Variants in PC observed in about 807,000 individuals in gnomAD.
PC encodes pyruvate carboxylase, also known as pyruvate carboxylase, mitochondrial.
PC carries 46 observed loss-of-function variants against 107.8 expected under a neutral mutation model. The observed-to-expected ratio is 0.43, with a 90% confidence interval of 0.34 to 0.55. PC has a LOEUF of 0.55. Ranked by LOEUF, PC falls within the 20% of genes least tolerant of loss-of-function variation. PC has a pLI of 0.04. For missense variants in PC, 1,241 were observed against 1,643.1 expected (o/e 0.76, Z 4.23); for synonymous variants, 662 against 684.7 (o/e 0.97, Z 0.52).
At position 66,868,885 on chromosome 11, in the gene PC, C is replaced by T. The variant is rs777021033; in HGVS notation, c.983G>A (p.Arg328His). The change falls in exon 10 of 23, where the codon CGC (arginine) becomes CAC (histidine). Residue 328 changes from arginine to histidine, a missense_variant. Arg to His is a conservative substitution (Grantham distance 29). This residue lies in a region of PC where 1,143 missense variants were observed against 1,551.9 expected (regional missense o/e 0.74). Coordinates refer to ENST00000393960, the MANE Select transcript of PC (RefSeq NM_001040716.2). ...GKHYFIEVNSRLQVEHTVTEE... is the reference protein window; with the variant it reads ...GKHYFIEVNSHLQVEHTVTEE... ...TGTGACCGTGTGCTCCACCTGCAGG[C>T]GGGAGTTGACCTCGATGAAGTAGTG... The T allele has an allele frequency of 7.4e-6, 12 of 1,613,832 alleles. No homozygotes were observed. Among genetic ancestry groups the T allele is most frequent in the Non-Finnish European group, 8.5e-7 (1 of 1,179,972 alleles).
Position 66,859,546 on chromosome 11 carries a change from G to A in PC, c.1368+4228C>T, listed in dbSNP as rs1266705237. On this transcript the variant is annotated intron_variant, in intron 12 of 22. Transcript: ENST00000393960. Reference sequence around the variant, plus strand: ...AAGAGCCCGAGTGGCCCCAGGGGGAGGGGTGTTTGGAGCTGGGAGCACGGG... The same window carrying A: ...AAGAGCCCGAGTGGCCCCAGGGGGAAGGGTGTTTGGAGCTGGGAGCACGGG... 4 of 1,569,050 alleles carry A rather than the reference G, an allele frequency of 2.5e-6. No homozygotes were observed. The East Asian group carries it at 6.7e-5, about 26-fold the overall frequency.
rs1591110269 is a variant in PC at position 66,849,214 on chromosome 11, C to G, written c.3288+16G>C. 1.9e-6 allele frequency: 3 copies of G among 1,613,804 alleles called. No homozygotes were observed. The highest frequency in any genetic ancestry group is 2.5e-6 in the Non-Finnish European group (3 of 1,180,034). ...GCCAAGCCCCACCGCCTGGCTGGCC[C>G]TGGGGGAGACAATACCTTCATGGCC... On this transcript the variant is annotated intron_variant, in intron 22 of 22. Transcript: ENST00000393960.
chr11:66,921,151 T>G (rs1404683103), intron 3 of PC, among the ~76,000 whole-genome samples: 1 of 152,202 alleles, frequency 6.6e-6, no homozygotes, highest in Non-Finnish European at 1.5e-5. Flanking sequence ...CCAGTTCCCT[T>G]GGAGTCGTGA....
In PC at chr11:66,944,250, C is replaced by T. The variant is rs1480390852; in HGVS notation, c.-1+8180G>A. On this transcript the variant is annotated intron_variant, in intron 3 of 22. Coordinates refer to ENST00000393960, the MANE Select transcript of PC (RefSeq NM_001040716.2). ...GAGCCGAGATTGCACCACTGCACTC[C>T]AGCCTGGGTGACAGAGCAAGACTCC... Among the ~76,000 whole-genome samples the T allele has an allele frequency of 1.8e-5, 2 of 111,436 alleles. 1 individual carries two copies. Among genetic ancestry groups the T allele is most frequent in the Non-Finnish European group, 3.9e-5 (2 of 50,938 alleles). The allele number at this position is 111,436 out of a possible 152,430, so 73.1% of individuals were successfully genotyped here.
At chr11:66,922,017 C>T (rs548610164) in intron 3 of PC, among the ~76,000 whole-genome samples, 8 of 152,288 alleles carry the variant, frequency 5.3e-5, no homozygotes, top group African/African-American at 1.4e-4. Flanking sequence ...GACAATTCCC[C>T]TGTGCTTGTG....
At position 66,896,800 on chromosome 11, in the gene PC, G is replaced by A. The variant is rs540453910; in HGVS notation, c.1-24641C>T. On this transcript the variant is annotated intron_variant, in intron 3 of 22. Coordinates refer to ENST00000393960, the MANE Select transcript of PC (RefSeq NM_001040716.2). ...GTGAAAATCTGCCTAGATGAGAAGC[G>A]TCCGCCTATATATACGCACATACAC... Among the ~76,000 whole-genome samples, 8 of 152,310 alleles carry A rather than the reference G, an allele frequency of 5.3e-5. No homozygotes were observed. In the East Asian group the frequency reaches 7.7e-4, roughly 15 times the overall value.
intron 3 of PC, among the ~76,000 whole-genome samples, chr11:66,898,593 T>G (rs1359841990): frequency 2.0e-5 from 3 of 152,076 alleles, no homozygotes; most frequent in African/African-American, 2.4e-5. Flanking sequence ...GACAGGAGAA[T>G]CGCTTGAACC....
At chr11:66,905,649 G>A (rs1019508180) in intron 3 of PC, among the ~76,000 whole-genome samples, 1 of 152,180 alleles carries the variant, frequency 6.6e-6, no homozygotes, top group Non-Finnish European at 1.5e-5. Flanking sequence ...CTGCCAGGGT[G>A]GGATCAGATT....
intron 3 of PC, among the ~76,000 whole-genome samples, chr11:66,929,342 G>A (rs2136108047): frequency 6.6e-6 from 1 of 152,100 alleles, no homozygotes. Flanking sequence ...GGGATGCAAA[G>A]GCTCATCTTG....
chr11:66,880,251 C>T (rs1159863724), intron 3 of PC, among the ~76,000 whole-genome samples: 2 of 152,194 alleles, frequency 1.3e-5, no homozygotes, highest in African/African-American at 2.4e-5. Flanking sequence ...CTCACACCAC[C>T]CTCTCTCCAG....
In PC at chr11:66,870,489, G is replaced by T; in HGVS notation, c.752-36C>A. On this transcript the variant is annotated intron_variant, in intron 8 of 22. Coordinates refer to ENST00000393960, the MANE Select transcript of PC (RefSeq NM_001040716.2). The surrounding 1 kb of genome is among the most constrained non-coding windows in gnomAD (Gnocchi z 6.1). ...AGGTAAACTGGGCTTAGCTTTTACTGGAATCTACACGCCTCCTAAATGCCC... is the reference window on the plus strand; with the variant it reads ...AGGTAAACTGGGCTTAGCTTTTACTTGAATCTACACGCCTCCTAAATGCCC... 6.2e-7 allele frequency: 1 copy of T among 1,607,980 alleles called. No homozygotes were observed. The highest frequency in any genetic ancestry group is 8.5e-7 in the Non-Finnish European group (1 of 1,178,422).
rs1945903563 is a variant in PC, at chr11:66,857,135, G to C, written c.1369-3752C>G. On this transcript the variant is annotated intron_variant, in intron 12 of 22. Coordinates refer to ENST00000393960, the MANE Select transcript of PC (RefSeq NM_001040716.2). This position sits in a 1 kb window ranked among gnomAD's most constrained non-coding sequence, Gnocchi z 7.1. ...GCCGGGAAAAGGTGCCGGGAACCGA[G>C]CGAGCCGGGGCCGCGGGCCCGAGCG... 1 of 148,200 alleles carries C rather than the reference G, an allele frequency of 6.7e-6. No homozygotes were observed. The highest frequency in any genetic ancestry group is 1.5e-5 in the Non-Finnish European group (1 of 66,482). 9.2% of individuals were successfully genotyped at this position (148,200 alleles called of 1,614,324 possible). A position where few individuals can be genotyped will look rare whatever the true frequency, so the allele number is the denominator to read the frequency against.
intron 3 of PC, among the ~76,000 whole-genome samples, chr11:66,903,585 CA>C (rs748653705): frequency 0.066 from 8,645 of 131,286 alleles, 264 homozygotes; most frequent in African/African-American, 0.074. Context: ...ACTAAAAATA[CA>C]AAAAAAAAAA....
intron 3 of PC, among the ~76,000 whole-genome samples, chr11:66,927,532 G>C (rs1043496071): frequency 6.6e-6 from 1 of 151,800 alleles, no homozygotes; most frequent in African/African-American, 2.4e-5. Flanking sequence ...GACCAGCCTG[G>C]CCAACACAGT....
intron 3 of PC, among the ~76,000 whole-genome samples, chr11:66,897,839 G>A (rs1947812379): frequency 6.6e-6 from 1 of 152,168 alleles, no homozygotes; most frequent in African/African-American, 2.4e-5. Flanking sequence ...CTTGCTCCAG[G>A]AGCACTGGAA....
intron 3 of PC, among the ~76,000 whole-genome samples, chr11:66,936,267 T>TGG (rs113533937): frequency 0.019 from 2,692 of 143,276 alleles, 78 homozygotes; most frequent in African/African-American, 0.064. Flanking sequence ...AAAAAAAAGG[T>TGG]GGGGGGGGAG....
chr11:66,872,164 G>A lies in PC; in HGVS notation c.1-5C>T. Reference sequence around the variant, plus strand: ...GACTGTTCGGAACTTCAGCATCTAGGGAGGGAAGTTAGAGCCCAGGTTAGC... The same window carrying A: ...GACTGTTCGGAACTTCAGCATCTAGAGAGGGAAGTTAGAGCCCAGGTTAGC... On this transcript the variant is annotated splice_polypyrimidine_tract_variant and splice_region_variant and intron_variant, in intron 3 of 22. Coordinates refer to ENST00000393960, the MANE Select transcript of PC (RefSeq NM_001040716.2). The A allele has an allele frequency of 6.3e-7, 1 of 1,578,730 alleles. No individual in the cohort carries two copies. Among genetic ancestry groups the A allele is most frequent in the Non-Finnish European group, 8.6e-7 (1 of 1,163,200 alleles).
Position 66,871,819 on chromosome 11 carries a change from G to A in PC, c.189C>T (p.Thr63=), listed in dbSNP as rs762631892. ...FRACTELGIR[T]VAIYSEQDTG... ...TGTCCTGCTCAGAGTAGATGGCTAC[G>A]GTGCGGATGCCCAGCTCCGTGCAGG... is the stretch of plus-strand genomic sequence containing the variant. The change falls in exon 5 of 23, where the codon ACC becomes ACT. Residue 63 remains threonine (T), a synonymous_variant. Coordinates refer to ENST00000393960, the MANE Select transcript of PC (RefSeq NM_001040716.2). The surrounding 1 kb of genome is among the most constrained non-coding windows in gnomAD (Gnocchi z 7.4). The A allele has an allele frequency of 4.3e-5, 70 of 1,609,204 alleles. No individual in the cohort carries two copies. Among genetic ancestry groups the A allele is most frequent in the Non-Finnish European group, 5.8e-5 (69 of 1,179,556 alleles).
Position 66,858,243 on chromosome 11 carries a change from G to A in PC, c.1369-4860C>T, listed in dbSNP as rs770613527. ...GCAGGTGCCCTGGGCCGGCATCGGC[G>A]CCATGCCTGCCCTGCACACCCTCAA... is the stretch of plus-strand genomic sequence containing the variant. On this transcript the variant is annotated intron_variant, in intron 12 of 22. Transcript: ENST00000393960. This position sits in a 1 kb window ranked among gnomAD's most constrained non-coding sequence, Gnocchi z 5.9. 1.1e-5 allele frequency: 18 copies of A among 1,612,176 alleles called. No individual in the cohort carries two copies. Among genetic ancestry groups the A allele is most frequent in the Middle Eastern group, 1.6e-4 (1 of 6,082 alleles).
Sources: allele counts gnomAD v4.1 joint callset (sites outside exome capture counted in the v4.1 genomes callset), GRCh38; gene constraint gnomAD v4.1.1; regional missense constraint gnomAD v4.1.1; non-coding constraint Gnocchi (gnomAD v3.1); transcripts MANE v1.5; gene names NCBI Gene and HGNC (gene_info 2026-07-23, HGNC 2026-07-21).